SNX13: variants seen among roughly 807,000 people sequenced by gnomAD.
SNX13 encodes sorting nexin-13.
A neutral mutation model predicts 133.6 loss-of-function variants in SNX13; 45 were observed. The observed-to-expected ratio is 0.34, with a 90% CI of 0.27 to 0.43. The LOEUF is 0.43. Ranked by LOEUF, SNX13 falls within the 20% of genes least tolerant of loss-of-function variation. SNX13 has a pLI of 1.00. For synonymous variants in SNX13, 414 were observed against 373.9 expected (o/e 1.11, Z -1.24); for missense variants, 1,032 against 1,145.1 (o/e 0.90, Z 1.43).
intron 5 of SNX13, among the ~76,000 whole-genome samples, chr7:17,876,688 G>C (rs1794767650): frequency 1.3e-5 from 2 of 151,698 alleles, no homozygotes; most frequent in Admixed American, 6.6e-5. Flanking sequence ...CATGAAAAAG[G>C]TGATTACTAA....
intron 1 of SNX13, among the ~76,000 whole-genome samples, chr7:17,909,640 T>A (rs994636592): frequency 1.3e-5 from 2 of 152,140 alleles, no homozygotes; most frequent in African/African-American, 4.8e-5. Flanking sequence ...CATGTTCTCA[T>A]TTGCAAGTAG....
intron 25 of SNX13, 188 bp downstream of exon 25, chr7:17,796,639 A>T (rs146363279): frequency 0.012 from 6,635 of 542,520 alleles, 274 homozygotes; most frequent in Admixed American, 0.11. Context: ...AACAGTCCTT[A>T]GCTTTACAGT....
chr7:17,832,182 A>C (rs1389804624), intron 15 of SNX13: 2 of 984,324 alleles, frequency 2.0e-6, no homozygotes, highest in Non-Finnish European at 1.2e-6. Context: ...TCCAAAAAAA[A>C]ATTTTTTAAT....
Position 17,832,290 on chromosome 7 carries a change from C to T in SNX13, c.1597+1762G>A, listed in dbSNP as rs562010672. On this transcript the variant is annotated intron_variant, in intron 15 of 25. Transcript: ENST00000428135. ...AGCTGTACTGAAGAAGACAGACTGG[C>T]TAGAAAGATATGAATGGAAGCTAGA... 1.9e-4 allele frequency: 190 copies of T among 984,456 alleles called. No individual in the cohort carries two copies. In the South Asian group the frequency reaches 2.2e-3, roughly 11 times the overall value. The allele number at this position is 984,456 out of a possible 1,614,324, so 61.0% of individuals were successfully genotyped here.
At chr7:17,931,040 T>C (rs1158201312) in intron 1 of SNX13, among the ~76,000 whole-genome samples, 1 of 152,202 alleles carries the variant, frequency 6.6e-6, no homozygotes, top group African/African-American at 2.4e-5. Context: ...CTGGAGACTG[T>C]CATTGTAGCC....
At chr7:17,869,218 TAA>T (rs1793754935) in intron 8 of SNX13, among the ~76,000 whole-genome samples, 1 of 152,074 alleles carries the variant, frequency 6.6e-6, no homozygotes, top group Admixed American at 6.5e-5. Flanking sequence ...TCTGTAATTA[TAA>T]GTCTTATATT....
chr7:17,822,586 C>T (rs1372136537), intron 17 of SNX13, among the ~76,000 whole-genome samples: 1 of 152,108 alleles, frequency 6.6e-6, no homozygotes, highest in Non-Finnish European at 1.5e-5. Context: ...TTAAGACTGC[C>T]ATCTCCAAGT....
intron 1 of SNX13, among the ~76,000 whole-genome samples, chr7:17,931,813 G>T (rs10227224): frequency 0.51 from 78,314 of 152,070 alleles, 21,516 homozygotes; most frequent in Non-Finnish European, 0.62. Context: ...TATTCTACTT[G>T]AACAGTGGAA....
intron 9 of SNX13, among the ~76,000 whole-genome samples, chr7:17,855,782 C>T (rs1017580677): frequency 6.6e-6 from 1 of 152,194 alleles, no homozygotes; most frequent in African/African-American, 2.4e-5. Context: ...CCTACTAAAA[C>T]AATATCCATT....
intron 13 of SNX13, among the ~76,000 whole-genome samples, chr7:17,839,077 CT>C (rs1276520017): frequency 1.3e-5 from 2 of 149,408 alleles, no homozygotes; most frequent in African/African-American, 2.4e-5. Context: ...TACATGTATG[CT>C]ATAAGTTCTA....
chr7:17,877,451 T>C (rs902004346), intron 5 of SNX13, among the ~76,000 whole-genome samples: 9 of 152,056 alleles, frequency 5.9e-5, no homozygotes, highest in East Asian at 5.8e-4. Context: ...TTCAAAATCA[T>C]CCATACTGAA....
At chr7:17,830,159 A>G in intron 15 of SNX13, 112 bp from the exon 16 acceptor site, 1 of 653,742 alleles carries the variant, frequency 1.5e-6, no homozygotes. Flanking sequence ...ATAACATAAT[A>G]GTAAAAAAAA....
At chr7:17,907,628 A>G (rs1390579182) in intron 1 of SNX13, among the ~76,000 whole-genome samples, 1 of 152,148 alleles carries the variant, frequency 6.6e-6, no homozygotes, top group Non-Finnish European at 1.5e-5. Flanking sequence ...ACCCCCCCTG[A>G]AAATAAGCCA....
intron 13 of SNX13, among the ~76,000 whole-genome samples, chr7:17,835,394 T>A (rs1260525034): frequency 6.6e-6 from 1 of 151,926 alleles, no homozygotes; most frequent in African/African-American, 2.4e-5. Context: ...CTAAATTTGG[T>A]TTTATAACTA....
chr7:17,839,987 T>C lies in SNX13; in HGVS notation c.1179A>G (p.Gln393=). 1.2e-6 allele frequency: 2 copies of C among 1,608,708 alleles called. No individual in the cohort carries two copies. Among genetic ancestry groups the C allele is most frequent in the Non-Finnish European group, 1.7e-6 (2 of 1,177,204 alleles). The change falls in exon 13 of 26, where the codon CAA becomes CAG. Residue 393 remains glutamine (Q), a synonymous_variant. Coordinates refer to ENST00000428135, the MANE Select transcript of SNX13 (RefSeq NM_015132.5). ...AGAATAGATGTGCTTGACCTCCAGT[T>C]TGCTGCATGTAATCTAGCAATCAAA... ...ALQFFMDYMQ[Q]TGGQAHLFFW...
intron 12 of SNX13, 107 bp from the exon 13 acceptor site, chr7:17,840,107 C>T (rs1388865453): frequency 2.3e-6 from 2 of 856,638 alleles, no homozygotes; most frequent in African/African-American, 3.5e-5. Flanking sequence ...GTGTTTAAAA[C>T]TCCACATTTT....
intron 1 of SNX13, among the ~76,000 whole-genome samples, chr7:17,911,031 T>A (rs1798925285): frequency 6.6e-6 from 1 of 152,158 alleles, no homozygotes. Context: ...AATGGCTAAT[T>A]TTACATTATG....
rs911723734 is a variant in SNX13, at chr7:17,911,745, T to A, written c.13-14299A>T. Among the ~76,000 whole-genome samples the A allele has an allele frequency of 2.0e-5, 3 of 151,592 alleles. No individual in the cohort carries two copies. In the East Asian group the frequency reaches 5.8e-4, roughly 29 times the overall value. ...GCAATGAAGGCAATGCTACAAGGAGTACAATATGTTATTAAGATTATTATC... is the reference window on the plus strand; with the variant it reads ...GCAATGAAGGCAATGCTACAAGGAGAACAATATGTTATTAAGATTATTATC... On this transcript the variant is annotated intron_variant, in intron 1 of 25. Transcript: ENST00000428135.
intron 12 of SNX13, among the ~76,000 whole-genome samples, chr7:17,841,582 A>ACACACACACACG (rs750599891): frequency 2.0e-5 from 3 of 150,434 alleles, no homozygotes; most frequent in Non-Finnish European, 4.4e-5. Context: ...ACACACACAC[A>ACACACACACACG]CGCACACACA....
Sources: gnomAD v4.1 joint callset for allele counts (sites outside exome capture counted in the v4.1 genomes callset) on GRCh38, gnomAD v4.1.1 for gene constraint, MANE v1.5 for transcripts, NCBI Gene and HGNC (gene_info 2026-07-23, HGNC 2026-07-21) for gene names.